Variants in MALRD1 observed in about 807,000 individuals in gnomAD.
The protein encoded by MALRD1 is MAM and LDL-receptor class A domain-containing protein 1.
A neutral mutation model predicts 242.1 loss-of-function variants in MALRD1; 247 were observed. The observed-to-expected ratio is 1.02, with a 90% CI of 0.92 to 1.13. MALRD1 has a LOEUF of 1.13. MALRD1 is among the 50% of genes most tolerant of loss of function. The probability of loss-of-function intolerance (pLI) is 0.00; values close to 1 mark genes in which losing one functional copy is unlikely to be tolerated. For synonymous variants in MALRD1, 995 were observed against 866.6 expected, an observed-to-expected ratio of 1.15 and a Z score of -2.60; for missense variants, 2,989 against 2,533.1, an observed-to-expected ratio of 1.18 and a Z score of -3.86.
At chr10:19,186,872 A>G (rs1452331174) in intron 14 of MALRD1, among the ~76,000 whole-genome samples, 1 of 152,080 alleles carries the variant, frequency 6.6e-6, no homozygotes, top group Non-Finnish European at 1.5e-5. Context: ...TCAGGTTAGC[A>G]ATGTGTGTGA....
At chr10:19,329,741 C>A (rs1004628723) in intron 23 of MALRD1, among the ~76,000 whole-genome samples, 2 of 152,114 alleles carry the variant, frequency 1.3e-5, no homozygotes, top group Non-Finnish European at 2.9e-5. Flanking sequence ...AATAATTAAC[C>A]CTGACTATAT....
chr10:19,642,622 A>G (rs1326984), intron 36 of MALRD1, among the ~76,000 whole-genome samples: 15,080 of 152,184 alleles, frequency 0.099, 1,931 homozygotes, highest in African/African-American at 0.3. Flanking sequence ...TTCTAAAGCT[A>G]GGAACAAATT....
At chr10:19,310,339 T>G (rs1842376688) in intron 21 of MALRD1, among the ~76,000 whole-genome samples, 1 of 151,480 alleles carries the variant, frequency 6.6e-6, no homozygotes, top group African/African-American at 2.4e-5. Context: ...AGGAGCAGTG[T>G]TAGAAAGGAC....
At position 19,410,404 on chromosome 10, in the gene MALRD1, T is replaced by C. The variant is rs139261021; in HGVS notation, c.4845+20795T>C. Among the ~76,000 whole-genome samples the C allele has an allele frequency of 3.0e-3, 452 of 152,310 alleles. 2 individuals are homozygous for C. The highest frequency in any genetic ancestry group is 0.01 in the African/African-American group (426 of 41,564). On this transcript the variant is annotated intron_variant, in intron 28 of 39. Coordinates refer to ENST00000454679, the MANE Select transcript of MALRD1 (RefSeq NM_001142308.3). ...CTCAAGTCTAGAAAACAGTCATTTTTCTCACTACTTAAAACGTATAGATGA... is the reference window on the plus strand; with the variant it reads ...CTCAAGTCTAGAAAACAGTCATTTTCCTCACTACTTAAAACGTATAGATGA...
chr10:19,581,465 T>C (rs1366118235), intron 33 of MALRD1, among the ~76,000 whole-genome samples: 2 of 150,912 alleles, frequency 1.3e-5, no homozygotes, highest in Admixed American at 6.6e-5. Flanking sequence ...TGAGAATATG[T>C]GGTGTTTGGT....
chr10:19,377,754 G>A (rs2130773659), intron 26 of MALRD1, among the ~76,000 whole-genome samples: 1 of 151,910 alleles, frequency 6.6e-6, no homozygotes, highest in African/African-American at 2.4e-5. Context: ...GGTGATTTCA[G>A]GAATTAATAG....
intron 28 of MALRD1, among the ~76,000 whole-genome samples, chr10:19,400,265 C>G (rs1379388834): frequency 6.6e-6 from 1 of 152,114 alleles, no homozygotes; most frequent in African/African-American, 2.4e-5. Flanking sequence ...ATTCTGAAGT[C>G]GTCCTTTTCC....
chr10:19,722,567 G>A (rs1208833687), intron 38 of MALRD1: 2 of 103,168 alleles, frequency 1.9e-5, no homozygotes, highest in African/African-American at 4.0e-5. Flanking sequence ...TACGGCCTAG[G>A]TGACAGAGCA....
intron 33 of MALRD1, among the ~76,000 whole-genome samples, chr10:19,589,887 T>G (rs1260595985): frequency 6.6e-6 from 1 of 152,020 alleles, no homozygotes; most frequent in Non-Finnish European, 1.5e-5. Flanking sequence ...ATTTTTGCTC[T>G]GAGCGTGTTT....
chr10:19,187,685 C>T (rs1351803480), intron 14 of MALRD1, among the ~76,000 whole-genome samples: 2 of 152,096 alleles, frequency 1.3e-5, no homozygotes, highest in South Asian at 2.1e-4. Flanking sequence ...GAGTTGGAGG[C>T]CGGAATCCTA....
At chr10:19,065,524 G>C (rs1205208951) in intron 1 of MALRD1, among the ~76,000 whole-genome samples, 3 of 152,070 alleles carry the variant, frequency 2.0e-5, no homozygotes, top group African/African-American at 7.2e-5. Context: ...GACTGGACCA[G>C]ATCCTATTTT....
chr10:19,607,690 T>G (rs1363176168), intron 34 of MALRD1, 87 bp from the exon 35 acceptor site: 4 of 1,436,170 alleles, frequency 2.8e-6, no homozygotes, highest in East Asian at 5.1e-5. Context: ...TATAATAAAC[T>G]GTTTTATGTT....
At chr10:19,567,361 A>T in intron 32 of MALRD1, 141 bp from the exon 33 acceptor site, 1 of 777,282 alleles carries the variant, frequency 1.3e-6, no homozygotes, top group Non-Finnish European at 2.0e-6. Context: ...TATAACCCAC[A>T]ATTTCTACAG....
intron 31 of MALRD1, among the ~76,000 whole-genome samples, chr10:19,517,728 G>A (rs6481960): frequency 0.25 from 37,517 of 151,916 alleles, 7,385 homozygotes; most frequent in African/African-American, 0.55. Flanking sequence ...GTCATATCCA[G>A]TAATTGTTCG....
At chr10:19,187,626 A>G (rs547885091) in intron 14 of MALRD1, among the ~76,000 whole-genome samples, 96 of 152,216 alleles carry the variant, frequency 6.3e-4, no homozygotes, top group African/African-American at 2.0e-3. Flanking sequence ...GGTTCCCAAC[A>G]CTGGCTGTGT....
chr10:19,283,172 A>G lies in MALRD1; in HGVS notation c.3410A>G (p.Asp1137Gly), dbSNP rs1357995312. 9.1e-6 allele frequency: 14 copies of G among 1,542,856 alleles called. No homozygotes were observed. The highest frequency in any genetic ancestry group is 1.7e-4 in the Middle Eastern group (1 of 5,956). Reference sequence around the variant, plus strand: ...GAAGAAAACCACAGGCCATCAGTGGATCATACACAGTAAGTGACCATGTAT... The same window carrying G: ...GAAGAAAACCACAGGCCATCAGTGGGTCATACACAGTAAGTGACCATGTAT... ...HGEENHRPSV[D>G]HTQNTTDGWY... The change falls in exon 21 of 40, where the codon GAT (aspartate) becomes GGT (glycine). Residue 1137 changes from aspartate to glycine, a missense_variant. Transcript: ENST00000454679.
chr10:19,626,392 G>A (rs181806756), intron 36 of MALRD1, among the ~76,000 whole-genome samples: 114 of 148,838 alleles, frequency 7.7e-4, no homozygotes, highest in African/African-American at 2.7e-3. Flanking sequence ...GCCAAAATAA[G>A]TAGAAGCTAA....
chr10:19,448,873 C>T (rs1480608941), intron 28 of MALRD1, among the ~76,000 whole-genome samples: 2 of 151,826 alleles, frequency 1.3e-5, no homozygotes, highest in Non-Finnish European at 1.5e-5. Flanking sequence ...TTAAAATTAT[C>T]ACTTTTCCTC....
intron 21 of MALRD1, among the ~76,000 whole-genome samples, chr10:19,313,560 C>A (rs1017006653): frequency 6.6e-6 from 1 of 151,268 alleles, no homozygotes; most frequent in African/African-American, 2.4e-5. Context: ...ATCCCAAGTA[C>A]CCCAATTTGA....
Sources: gnomAD v4.1 joint callset for allele counts (sites outside exome capture counted in the v4.1 genomes callset) on GRCh38, gnomAD v4.1.1 for gene constraint, MANE v1.5 for transcripts, NCBI Gene and HGNC (gene_info 2026-07-23, HGNC 2026-07-21) for gene names.